Variants in TCTN1 observed in about 807,000 individuals in gnomAD.
The protein encoded by TCTN1 is tectonic-1.
A neutral mutation model predicts 65.8 loss-of-function variants in TCTN1; 58 were observed. The ratio of observed to expected loss-of-function variants is 0.88; its 90% confidence interval spans 0.71 to 1.10. The LOEUF is 1.10. TCTN1 is among the 50% of genes least tolerant of loss of function. The pLI is 0.00. For missense variants in TCTN1, 645 were observed against 719.4 expected (o/e 0.90, Z 1.18); for synonymous variants, 273 against 289.1 (o/e 0.94, Z 0.57).
intron 2 of TCTN1, among the ~76,000 whole-genome samples, chr12:110,625,324 A>G (rs1215712662): frequency 3.3e-5 from 5 of 152,198 alleles, no homozygotes; most frequent in Admixed American, 3.3e-4. Context: ...GGATCTCACT[A>G]TGTTGCCAGA....
intron 3 of TCTN1, among the ~76,000 whole-genome samples, chr12:110,627,086 TTTTC>T (rs1357043988): frequency 5.3e-5 from 8 of 150,186 alleles, no homozygotes. Flanking sequence ...TATTACTATT[TTTTC>T]TTTCTTTCTT....
chr12:110,637,500 T>G (rs1180504083), intron 7 of TCTN1, among the ~76,000 whole-genome samples: 1 of 152,084 alleles, frequency 6.6e-6, no homozygotes, highest in Non-Finnish European at 1.5e-5. Flanking sequence ...TGATGGATGT[T>G]ACTTGTGTTT....
rs574803272 is a variant in TCTN1, at chr12:110,645,608, C to T, written c.1494+479C>T. ...ATGTGGCTCTCCCACCCATTGTCCCCTGTTCTACACAGGCAGCCCACACCT... is the reference window on the plus strand; with the variant it reads ...ATGTGGCTCTCCCACCCATTGTCCCTTGTTCTACACAGGCAGCCCACACCT... On this transcript the variant is annotated intron_variant, in intron 12 of 14. Coordinates refer to ENST00000397659, the MANE Select transcript of TCTN1 (RefSeq NM_001082538.3). 7.3e-3 allele frequency: 1,472 copies of T among 201,218 alleles called. 7 individuals are homozygous for T. The highest frequency in any genetic ancestry group is 0.012 in the Non-Finnish European group (1,174 of 97,140). 12.5% of individuals were successfully genotyped at this position (201,218 alleles called of 1,614,324 possible). A position where few individuals can be genotyped will look rare whatever the true frequency, so the allele number is the denominator to read the frequency against.
chr12:110,632,459 G>A lies in TCTN1; in HGVS notation c.625-13G>A. ...AATTACACCATAACGACTGTTGGTT[G>A]TTGTGTTTGCAGTATGGGGTTCCTC... On this transcript the variant is annotated splice_polypyrimidine_tract_variant and intron_variant, in intron 4 of 14. Coordinates refer to ENST00000397659, the MANE Select transcript of TCTN1 (RefSeq NM_001082538.3). 1 of 1,613,612 alleles carries A rather than the reference G, an allele frequency of 6.2e-7. No individual in the cohort carries two copies. The highest frequency in any genetic ancestry group is 8.5e-7 in the Non-Finnish European group (1 of 1,179,624).
intron 1 of TCTN1, among the ~76,000 whole-genome samples, chr12:110,617,542 G>GT (rs2065127376): frequency 6.6e-6 from 1 of 151,852 alleles, no homozygotes; most frequent in Non-Finnish European, 1.5e-5. Flanking sequence ...GGCCAGGCTG[G>GT]TCTCAAACTC....
chr12:110,632,564 GA>G lies in TCTN1; in HGVS notation c.712+8del. On this transcript the variant is annotated splice_donor_region_variant and intron_variant, in intron 5 of 14. Coordinates refer to ENST00000397659, the MANE Select transcript of TCTN1 (RefSeq NM_001082538.3). ...GCACTGATAATAACCCTGCAGGTAA[GA>G]AAGTGGTCATTCTTCTTTCCTTAGA... 1 of 1,613,674 alleles carries G rather than the reference GA, an allele frequency of 6.2e-7. No individual in the cohort carries two copies. Among genetic ancestry groups the G allele is most frequent in the East Asian group, 2.2e-5 (1 of 44,874 alleles).
intron 1 of TCTN1, among the ~76,000 whole-genome samples, chr12:110,618,768 A>AT (rs1491302013): frequency 1.3e-5 from 2 of 152,152 alleles, no homozygotes; most frequent in African/African-American, 4.8e-5. Context: ...TTCATTCTCT[A>AT]TTTTTTAAAA....
At chr12:110,638,195 G>T (rs193010977) in intron 7 of TCTN1, among the ~76,000 whole-genome samples, 1 of 152,160 alleles carries the variant, frequency 6.6e-6, no homozygotes, top group African/African-American at 2.4e-5. Flanking sequence ...ACCATACTGG[G>T]CCAGCTCTAC....
At position 110,644,337 on chromosome 12, in the gene TCTN1, C is replaced by T. The variant is rs11065688; in HGVS notation, c.1332-630C>T. 28,455 of 156,330 alleles carry T rather than the reference C, an allele frequency of 0.18. 3,037 individuals carry two copies. The highest frequency in any genetic ancestry group is 0.28 in the Admixed American group (4,463 of 16,152). 9.7% of individuals were successfully genotyped at this position (156,330 alleles called of 1,614,324 possible). ...GACTCTTTAGCTTCTGTCAGATAAT[C>T]CCTCATTTGGAGAATGAGAAGATAA... On this transcript the variant is annotated intron_variant, in intron 11 of 14. Coordinates refer to ENST00000397659, the MANE Select transcript of TCTN1 (RefSeq NM_001082538.3). The surrounding 1 kb of genome is among the most constrained non-coding windows in gnomAD (Gnocchi z 4.6).
intron 5 of TCTN1, 31 bp downstream of exon 5, chr12:110,632,590 A>G: frequency 6.2e-7 from 1 of 1,608,388 alleles, no homozygotes; most frequent in South Asian, 1.1e-5. Context: ...CTTTCCTTAG[A>G]CATTTGCTGT....
intron 7 of TCTN1, among the ~76,000 whole-genome samples, chr12:110,638,290 A>T (rs1036473668): frequency 1.1e-4 from 16 of 152,168 alleles, no homozygotes; most frequent in Non-Finnish European, 1.9e-4. Flanking sequence ...GGGACTTCCA[A>T]CTTAGGTCTG....
At chr12:110,637,560 G>C (rs373154292) in intron 7 of TCTN1, among the ~76,000 whole-genome samples, 3 of 152,146 alleles carry the variant, frequency 2.0e-5, no homozygotes, top group African/African-American at 7.2e-5. Context: ...AGTCTGAAGT[G>C]GAACCCTCTC....
Position 110,647,177 on chromosome 12 carries a change from G to A in TCTN1, c.1495-19G>A, listed in dbSNP as rs1425383823. On this transcript the variant is annotated intron_variant, in intron 12 of 14. Transcript: ENST00000397659. ...TTAAGTCTGACTTGCAGTTTTGTAA[G>A]ATTCTAATGGATTAACAGCATTTTG... is the stretch of plus-strand genomic sequence containing the variant. 6.2e-7 allele frequency: 1 copy of A among 1,614,180 alleles called. No individual in the cohort carries two copies. Among genetic ancestry groups the A allele is most frequent in the Admixed American group, 1.7e-5 (1 of 60,020 alleles).
At position 110,619,900 on chromosome 12, in the gene TCTN1, C is replaced by T. The variant is rs199664343; in HGVS notation, c.285C>T (p.Pro95=). 103 of 1,613,958 alleles carry T rather than the reference C, an allele frequency of 6.4e-5. No homozygotes were observed. Among genetic ancestry groups the T allele is most frequent in the Non-Finnish European group, 7.5e-5 (89 of 1,180,032 alleles). Residue 95 remains proline, a synonymous_variant, in exon 2 of 15, where the codon CCC becomes CCT. Coordinates refer to ENST00000397659, the MANE Select transcript of TCTN1 (RefSeq NM_001082538.3). ...AQCDINCCCD[P]DCSSVDFSVF... is the part of the protein sequence containing the mutation. ...GTGACATCAACTGCTGCTGTGATCC[C>T]GACTGCAGCTCCGTGGATTTCAGTG...
At position 110,626,383 on chromosome 12, in the gene TCTN1, T is replaced by G; in HGVS notation, c.363T>G (p.Ser121Arg). ...TCAGGGGCGACAGCCAGTTTTGTAG[T>G]CAAAAAGCAGTCATCTATTCATTGA... ...PVVTGDSQFC[S>R]QKAVIYSLNF... The change falls in exon 3 of 15, where the codon AGT (serine) becomes AGG (arginine). Residue 121 changes from serine to arginine, a missense_variant. Ser to Arg is a moderately radical substitution (Grantham distance 110, BLOSUM62 -1). Coordinates refer to ENST00000397659, the MANE Select transcript of TCTN1 (RefSeq NM_001082538.3). The G allele has an allele frequency of 6.3e-7, 1 of 1,592,506 alleles. No individual in the cohort carries two copies. Among genetic ancestry groups the G allele is most frequent in the Non-Finnish European group, 8.6e-7 (1 of 1,166,838 alleles).
Position 110,641,083 on chromosome 12 carries a change from C to A in TCTN1, c.1038C>A (p.Phe346Leu). Residue 346 changes from phenylalanine (F) to leucine (L), a missense_variant, in exon 9 of 15, where the codon TTC becomes TTA. Coordinates refer to ENST00000397659, the MANE Select transcript of TCTN1 (RefSeq NM_001082538.3). Reference protein sequence around the residue: ...AGEVTKADLSFVLGTVSSVVV... With the variant: ...AGEVTKADLSLVLGTVSSVVV... ...AAGTCACCAAAGCTGATCTCTCATT[C>A]GTTCTGGGGACAGTTAGCAGCGTAG... is the stretch of plus-strand genomic sequence containing the variant. 1.2e-6 allele frequency: 2 copies of A among 1,614,234 alleles called. No individual in the cohort carries two copies. Among genetic ancestry groups the A allele is most frequent in the African/African-American group, 1.3e-5 (1 of 75,052 alleles).
In TCTN1 at chr12:110,641,083, C is replaced by T. The variant is rs377300877; in HGVS notation, c.1038C>T (p.Phe346=). The change falls in exon 9 of 15, where the codon TTC becomes TTT. Residue 346 remains phenylalanine (F), a synonymous_variant. Coordinates refer to ENST00000397659, the MANE Select transcript of TCTN1 (RefSeq NM_001082538.3). ...AAGTCACCAAAGCTGATCTCTCATT[C>T]GTTCTGGGGACAGTTAGCAGCGTAG... ...AGEVTKADLS[F]VLGTVSSVVV... The T allele has an allele frequency of 6.9e-5, 112 of 1,614,234 alleles. No homozygotes were observed. The African/African-American group carries it at 1.3e-3, about 18-fold the overall frequency.
Position 110,641,557 on chromosome 12 carries a change from G to A in TCTN1, c.1120G>A (p.Val374Ile). The A allele has an allele frequency of 6.2e-7, 1 of 1,614,218 alleles. No individual in the cohort carries two copies. The stretch of plus-strand genomic sequence containing the variant: ...TGTCTTTCAGGAAAATACCCAGCCA[G>A]TCCCTCTCAGTGGAAACCCTGGTTA... ...IHFLQENTQP[V>I]PLSGNPGYVV... The change falls in exon 10 of 15, where the codon GTC becomes ATC. Residue 374 changes from valine (V) to isoleucine (I), a missense_variant. Coordinates refer to ENST00000397659, the MANE Select transcript of TCTN1 (RefSeq NM_001082538.3).
chr12:110,644,735 T>TG lies in TCTN1; in HGVS notation c.1332-229dup, dbSNP rs529262430. Reference sequence around the variant, plus strand: ...AAAAAACAAAAAACTGCTGGTGGGCTGGGTGTGGTGGCTCACTCCTGTAGT... The same window carrying TG: ...AAAAAACAAAAAACTGCTGGTGGGCTGGGGTGTGGTGGCTCACTCCTGTAGT... On this transcript the variant is annotated intron_variant, in intron 11 of 14. Transcript: ENST00000397659. This position sits in a 1 kb window ranked among gnomAD's most constrained non-coding sequence, Gnocchi z 4.6. The TG allele has an allele frequency of 1.6e-5, 9 of 578,660 alleles. No homozygotes were observed. 35.8% of individuals were successfully genotyped at this position (578,660 alleles called of 1,614,324 possible).
Sources: allele counts gnomAD v4.1 joint callset (sites outside exome capture counted in the v4.1 genomes callset), GRCh38; gene constraint gnomAD v4.1.1; non-coding constraint Gnocchi (gnomAD v3.1); transcripts MANE v1.5; gene names NCBI Gene and HGNC (gene_info 2026-07-23, HGNC 2026-07-21).